Variants in CNTNAP2 observed in about 807,000 individuals in gnomAD.
CNTNAP2 encodes the protein contactin-associated protein-like 2.
CNTNAP2 carries 98 observed loss-of-function variants against 155.2 expected under a neutral mutation model. The ratio of observed to expected loss-of-function variants is 0.63; its 90% CI spans 0.54 to 0.75. CNTNAP2 has a LOEUF of 0.75. Ranked by LOEUF, CNTNAP2 falls within the 30% of genes least tolerant of loss-of-function variation. The probability of loss-of-function intolerance (pLI) is 0.00; values close to 1 mark genes in which losing one functional copy is unlikely to be tolerated. For missense variants in CNTNAP2, 1,727 were observed against 1,688.1 expected (o/e 1.02, Z -0.40); for synonymous variants, 651 against 631.2 (o/e 1.03, Z -0.47).
intron 21 of CNTNAP2, among the ~76,000 whole-genome samples, chr7:148,370,983 C>A (rs1342556287): frequency 6.6e-6 from 1 of 152,094 alleles, no homozygotes; most frequent in Non-Finnish European, 1.5e-5. Flanking sequence ...AAAACACACC[C>A]CGGTTTATTA....
intron 14 of CNTNAP2, among the ~76,000 whole-genome samples, chr7:147,931,959 C>T (rs1585035432): frequency 6.6e-6 from 1 of 152,120 alleles, no homozygotes; most frequent in South Asian, 2.1e-4. Flanking sequence ...GATCTCAGCT[C>T]ACTGCAACCT....
chr7:147,141,509 A>C (rs947937150), intron 8 of CNTNAP2, among the ~76,000 whole-genome samples: 1 of 151,996 alleles, frequency 6.6e-6, no homozygotes, highest in Non-Finnish European at 1.5e-5. Flanking sequence ...GCTTGGAACA[A>C]CTCCACAAGA....
chr7:146,321,215 A>G (rs1345034457), intron 1 of CNTNAP2, among the ~76,000 whole-genome samples: 1 of 151,982 alleles, frequency 6.6e-6, no homozygotes, highest in Admixed American at 6.6e-5. Context: ...AATAAAACAA[A>G]CCCCAAGTTA....
At position 148,343,333 on chromosome 7, in the gene CNTNAP2, C is replaced by G. The variant is rs145078036; in HGVS notation, c.3476-40316C>G. Among the ~76,000 whole-genome samples, 900 of 152,328 alleles carry G rather than the reference C, an allele frequency of 5.9e-3. 3 individuals carry two copies. The highest frequency in any genetic ancestry group is 8.9e-3 in the Non-Finnish European group (605 of 68,028). On this transcript the variant is annotated intron_variant, in intron 21 of 23. Transcript: ENST00000361727. ...TCCCGGTGCCCACTAAGCCTTGATA[C>G]CAGCCCACAGTACAGTGCTTCTCAG...
intron 4 of CNTNAP2, among the ~76,000 whole-genome samples, chr7:147,088,609 G>T (rs1800331250): frequency 6.6e-6 from 1 of 152,190 alleles, no homozygotes; most frequent in Non-Finnish European, 1.5e-5. Flanking sequence ...AAGGGCTGGT[G>T]ATTGAGCCCT....
intron 15 of CNTNAP2, among the ~76,000 whole-genome samples, chr7:148,079,265 A>G (rs1306671008): frequency 6.6e-6 from 1 of 152,242 alleles, no homozygotes; most frequent in Non-Finnish European, 1.5e-5. Context: ...CATGTAAGAT[A>G]TACTTTGGTT....
intron 13 of CNTNAP2, among the ~76,000 whole-genome samples, chr7:147,861,526 T>C (rs917978799): frequency 5.9e-5 from 9 of 152,118 alleles, no homozygotes; most frequent in Admixed American, 4.6e-4. Context: ...ATGACACAAA[T>C]TGAACCAGAT....
intron 3 of CNTNAP2, among the ~76,000 whole-genome samples, chr7:146,843,259 G>A (rs1281214439): frequency 2.0e-5 from 3 of 146,712 alleles, no homozygotes; most frequent in African/African-American, 7.9e-5. Flanking sequence ...TGATCCACCC[G>A]CCTCGGCCTC....
At chr7:146,167,415 A>C (rs574703946) in intron 1 of CNTNAP2, among the ~76,000 whole-genome samples, 1 of 152,188 alleles carries the variant, frequency 6.6e-6, no homozygotes, top group Admixed American at 6.5e-5. Context: ...TAATTTTGTT[A>C]ATGGCATTGC....
intron 3 of CNTNAP2, among the ~76,000 whole-genome samples, chr7:146,925,541 A>G (rs1301229324): frequency 6.6e-6 from 1 of 152,074 alleles, no homozygotes; most frequent in African/African-American, 2.4e-5. Context: ...TGTTAATTAT[A>G]TTATGTTAAT....
intron 12 of CNTNAP2, among the ~76,000 whole-genome samples, chr7:147,620,004 G>A (rs888045613): frequency 2.0e-5 from 3 of 152,182 alleles, no homozygotes; most frequent in Admixed American, 2.0e-4. Context: ...TATTTGTGTG[G>A]GAGGAAGAAG....
At chr7:147,698,650 C>A (rs548185942) in intron 13 of CNTNAP2, among the ~76,000 whole-genome samples, 1 of 152,206 alleles carries the variant, frequency 6.6e-6, no homozygotes, top group Admixed American at 6.6e-5. Context: ...CTGTCCTGAA[C>A]CCCAGGCTCA....
intron 1 of CNTNAP2, among the ~76,000 whole-genome samples, chr7:146,546,877 C>T (rs180937770): frequency 4.3e-4 from 66 of 152,054 alleles, no homozygotes; most frequent in African/African-American, 1.6e-3. Flanking sequence ...TTACCTCCCA[C>T]TGGGTCCCTC....
At chr7:146,622,153 A>ATATATATATACACAAACG (rs1799330109) in intron 1 of CNTNAP2, among the ~76,000 whole-genome samples, 1 of 148,942 alleles carries the variant, frequency 6.7e-6, no homozygotes, top group Non-Finnish European at 1.5e-5. Flanking sequence ...ACACACACGT[A>ATATATATATACACAAACG]TATATATATA....
chr7:146,932,540 C>A (rs1035607135), intron 3 of CNTNAP2, among the ~76,000 whole-genome samples: 30 of 152,196 alleles, frequency 2.0e-4, no homozygotes, highest in African/African-American at 7.2e-4. Flanking sequence ...ACAGGGATGC[C>A]CTCTCTCACC....
At position 147,403,026 on chromosome 7, in the gene CNTNAP2, T is replaced by C. The variant is rs766938888; in HGVS notation, c.1670+7246T>C. On this transcript the variant is annotated intron_variant, in intron 10 of 23. Transcript: ENST00000361727. ...ATCAACACAGAGACCTTAAGACTGA[T>C]AGAATAGTCTCTTTAAGTCTGATAA... is the stretch of plus-strand genomic sequence containing the variant. Among the ~76,000 whole-genome samples, 75 of 151,370 alleles carry C rather than the reference T, an allele frequency of 5.0e-4. 1 individual carries two copies. The highest frequency in any genetic ancestry group is 9.4e-4 in the Non-Finnish European group (64 of 67,970).
intron 4 of CNTNAP2, among the ~76,000 whole-genome samples, chr7:147,091,384 C>T (rs562556813): frequency 2.0e-5 from 3 of 152,154 alleles, no homozygotes; most frequent in Non-Finnish European, 2.9e-5. Context: ...TTTGTCGTGC[C>T]AACCCTTGGA....
At chr7:147,766,974 T>G (rs1174397412) in intron 13 of CNTNAP2, among the ~76,000 whole-genome samples, 2 of 152,120 alleles carry the variant, frequency 1.3e-5, no homozygotes, top group African/African-American at 4.8e-5. Flanking sequence ...TACTGACAAT[T>G]TATCTGTTGT....
intron 1 of CNTNAP2, among the ~76,000 whole-genome samples, chr7:146,591,167 A>G (rs1435057314): frequency 6.6e-6 from 1 of 152,200 alleles, no homozygotes; most frequent in African/African-American, 2.4e-5. Flanking sequence ...GGCTGTGTGT[A>G]TATGGTATAT....
Sources: allele counts gnomAD v4.1 joint callset (sites outside exome capture counted in the v4.1 genomes callset), GRCh38; gene constraint gnomAD v4.1.1; transcripts MANE v1.5; gene names NCBI Gene and HGNC (gene_info 2026-07-23, HGNC 2026-07-21).